ADAMTS3: variants seen among roughly 807,000 people sequenced by gnomAD.
ADAMTS3 encodes the protein ADAM metallopeptidase with thrombospondin type 1 motif 3, also known as A disintegrin and metalloproteinase with thrombospondin motifs 3.
In ADAMTS3, 73 loss-of-function variants were observed where a neutral mutation model predicts 129.0. That is an observed-to-expected ratio of 0.57 (90% CI 0.47 to 0.69). The LOEUF (loss-of-function observed/expected upper bound fraction) is 0.69. Among genes scored for constraint, ADAMTS3 ranks in the 30% least tolerant of loss-of-function variants. ADAMTS3 has a pLI of 0.00. For missense variants in ADAMTS3, 1,457 were observed against 1,514.5 expected (o/e 0.96, Z 0.63); for synonymous variants, 477 against 510.8 (o/e 0.93, Z 0.89).
chr4:72,472,329 C>G (rs748090776), intron 3 of ADAMTS3, among the ~76,000 whole-genome samples: 14 of 152,166 alleles, frequency 9.2e-5, no homozygotes, highest in Middle Eastern at 3.4e-3. Context: ...TCTGTTACTA[C>G]AGAGTATACG....
At chr4:72,391,665 A>C (rs1195956070) in intron 4 of ADAMTS3, among the ~76,000 whole-genome samples, 1 of 152,228 alleles carries the variant, frequency 6.6e-6, no homozygotes, top group Non-Finnish European at 1.5e-5. Flanking sequence ...CAAAAATGGC[A>C]ACTACGCATC....
intron 3 of ADAMTS3, among the ~76,000 whole-genome samples, chr4:72,476,344 A>G (rs1719232286): frequency 6.6e-6 from 1 of 152,116 alleles, no homozygotes; most frequent in South Asian, 2.1e-4. Flanking sequence ...GAAAAATTCC[A>G]TCAATATAAA....
At chr4:72,489,863 G>T (rs1719693902) in intron 3 of ADAMTS3, among the ~76,000 whole-genome samples, 1 of 151,768 alleles carries the variant, frequency 6.6e-6, no homozygotes, top group Admixed American at 6.6e-5. Context: ...CACAGATAAG[G>T]AAGTTGCTGT....
At chr4:72,399,875 C>T (rs796855260) in intron 4 of ADAMTS3, among the ~76,000 whole-genome samples, 16 of 55,026 alleles carry the variant, frequency 2.9e-4, no homozygotes, top group Non-Finnish European at 3.6e-4. Context: ...TGTATATATA[C>T]ACACACGGTG....
intron 3 of ADAMTS3, among the ~76,000 whole-genome samples, chr4:72,502,661 T>G (rs548913623): frequency 6.6e-6 from 1 of 152,296 alleles, no homozygotes; most frequent in South Asian, 2.1e-4. Context: ...TTGTTTGTTC[T>G]TATTTTTCTA....
intron 3 of ADAMTS3, among the ~76,000 whole-genome samples, chr4:72,532,394 A>C (rs1232338850): frequency 1.3e-5 from 2 of 152,062 alleles, no homozygotes. Context: ...GGAAATCATC[A>C]ATAGAGCTGG....
chr4:72,457,595 C>G (rs1281151258), intron 3 of ADAMTS3, among the ~76,000 whole-genome samples: 1 of 151,614 alleles, frequency 6.6e-6, no homozygotes, highest in Non-Finnish European at 1.5e-5. Flanking sequence ...TTATTGAGGA[C>G]TTGCAGTTTG....
In ADAMTS3 at chr4:72,320,668, A is replaced by C. The variant is rs760896268; in HGVS notation, c.1102+46T>G. 3 of 1,588,888 alleles carry C rather than the reference A, an allele frequency of 1.9e-6. No homozygotes were observed. The East Asian group carries it at 6.8e-5, about 36-fold the overall frequency. ...ACTGCCTGATTTAGGATTACTTTTT[A>C]AAAGTCATGCCCTCAAGTATTTCTT... On this transcript the variant is annotated intron_variant, in intron 7 of 21. Transcript: ENST00000286657.
intron 3 of ADAMTS3, among the ~76,000 whole-genome samples, chr4:72,528,089 C>T (rs996336990): frequency 6.6e-6 from 1 of 152,024 alleles, no homozygotes; most frequent in African/African-American, 2.4e-5. Context: ...CCAGTGCTCA[C>T]AGAACTACAA....
In ADAMTS3 at chr4:72,429,313, C is replaced by A. The variant is rs964555017; in HGVS notation, c.505-14342G>T. Reference sequence around the variant, plus strand: ...CTAAAGATATAGTAAGTCCTATATACATTTCACAGATTTTTACAATTTTAT... The same window carrying A: ...CTAAAGATATAGTAAGTCCTATATAAATTTCACAGATTTTTACAATTTTAT... On this transcript the variant is annotated intron_variant, in intron 3 of 21. Transcript: ENST00000286657. 3.3e-5 allele frequency among the ~76,000 whole-genome samples: 5 copies of A among 152,104 alleles called. No homozygotes were observed. In the East Asian group the frequency reaches 9.7e-4, roughly 30 times the overall value.
chr4:72,523,799 A>T (rs1409208689), intron 3 of ADAMTS3, among the ~76,000 whole-genome samples: 2 of 152,116 alleles, frequency 1.3e-5, no homozygotes, highest in Non-Finnish European at 2.9e-5. Flanking sequence ...TGAAAATAAC[A>T]TGAAAATGTG....
At position 72,428,005 on chromosome 4, in the gene ADAMTS3, C is replaced by A. The variant is rs72852064; in HGVS notation, c.505-13034G>T. Among the ~76,000 whole-genome samples, 893 of 151,178 alleles carry A rather than the reference C, an allele frequency of 5.9e-3. 15 individuals are homozygous for A. The highest frequency in any genetic ancestry group is 0.021 in the African/African-American group (854 of 41,334). On this transcript the variant is annotated intron_variant, in intron 3 of 21. Coordinates refer to ENST00000286657, the MANE Select transcript of ADAMTS3 (RefSeq NM_014243.3). ...ATGAAATTAAGCAACAGTTTAAGGA[C>A]CTTTGTCATTTAAGAGTCAGTTTAT...
chr4:72,308,536 ATCT>A (rs1269884271), intron 15 of ADAMTS3, among the ~76,000 whole-genome samples: 1 of 151,974 alleles, frequency 6.6e-6, no homozygotes, highest in African/African-American at 2.4e-5. Context: ...AGACATCAAA[ATCT>A]TCTTGAGCAA....
At position 72,562,242 on chromosome 4, in the gene ADAMTS3, G is replaced by C. The variant is rs903675877; in HGVS notation, c.97+5132C>G. 7.2e-5 allele frequency among the ~76,000 whole-genome samples: 11 copies of C among 152,256 alleles called. No individual in the cohort carries two copies. The East Asian group carries it at 7.7e-4, about 11-fold the overall frequency. On this transcript the variant is annotated intron_variant, in intron 2 of 21. Coordinates refer to ENST00000286657, the MANE Select transcript of ADAMTS3 (RefSeq NM_014243.3). ...AAGAAGAAAGAAATAATTCTAAAGTGAAATTTTAAAAATCAATACTTTCCT... is the reference window on the plus strand; with the variant it reads ...AAGAAGAAAGAAATAATTCTAAAGTCAAATTTTAAAAATCAATACTTTCCT...
At chr4:72,565,490 A>T (rs1246837574) in intron 2 of ADAMTS3, among the ~76,000 whole-genome samples, 3 of 152,310 alleles carry the variant, frequency 2.0e-5, no homozygotes, top group Admixed American at 1.3e-4. Flanking sequence ...ATTTTCTTAC[A>T]TATGATACAT....
At chr4:72,373,144 G>T (rs1275078150) in intron 4 of ADAMTS3, among the ~76,000 whole-genome samples, 1 of 152,094 alleles carries the variant, frequency 6.6e-6, no homozygotes, top group South Asian at 2.1e-4. Context: ...ACAGCTATGG[G>T]AATCTTTAAA....
chr4:72,479,011 G>C (rs1157087464), intron 3 of ADAMTS3, among the ~76,000 whole-genome samples: 2 of 151,312 alleles, frequency 1.3e-5, no homozygotes, highest in African/African-American at 4.9e-5. Flanking sequence ...TCCTCAAGGA[G>C]AACTACAAAC....
intron 4 of ADAMTS3, among the ~76,000 whole-genome samples, chr4:72,368,484 T>C (rs539655043): frequency 3.0e-4 from 45 of 152,346 alleles, no homozygotes; most frequent in African/African-American, 1.1e-3. Context: ...AGAGTCTAGA[T>C]TCTATCTCAA....
intron 3 of ADAMTS3, among the ~76,000 whole-genome samples, chr4:72,490,823 G>T (rs1719721247): frequency 6.6e-6 from 1 of 151,782 alleles, no homozygotes; most frequent in Non-Finnish European, 1.5e-5. Context: ...AGGGTCTTTT[G>T]TGGTTTCACA....
Sources: gnomAD v4.1 joint callset for allele counts (sites outside exome capture counted in the v4.1 genomes callset) on GRCh38, gnomAD v4.1.1 for gene constraint, MANE v1.5 for transcripts, NCBI Gene and HGNC (gene_info 2026-07-23, HGNC 2026-07-21) for gene names.